The following DYNC1I1 variants were observed in gnomAD, a reference collection of about 807,000 sequenced individuals.
DYNC1I1 encodes cytoplasmic dynein 1 intermediate chain 1.
A neutral mutation model predicts 86.6 loss-of-function variants in DYNC1I1; 43 were observed. The ratio of observed to expected loss-of-function variants is 0.50; its 90% CI spans 0.39 to 0.64. The LOEUF (loss-of-function observed/expected upper bound fraction) is 0.64, where lower values mean the gene tolerates loss of function less well. Among genes scored for constraint, DYNC1I1 ranks in the 30% least tolerant of loss-of-function variants. The pLI is 0.00. For synonymous variants in DYNC1I1, 262 were observed against 283.7 expected, an observed-to-expected ratio of 0.92 and a Z score of 0.77; for missense variants, 604 against 788.8, an observed-to-expected ratio of 0.77 and a Z score of 2.81.
At chr7:95,978,455 C>A (rs573172794) in intron 7 of DYNC1I1, among the ~76,000 whole-genome samples, 1 of 152,246 alleles carries the variant, frequency 6.6e-6, no homozygotes, top group South Asian at 2.1e-4. Context: ...GATTCTCAGC[C>A]CATGGAGACA....
chr7:96,032,879 G>A (rs995407048), intron 12 of DYNC1I1, 99 bp downstream of exon 12: 3 of 993,128 alleles, frequency 3.0e-6, no homozygotes, highest in Admixed American at 2.4e-5. Context: ...ACATCCTAGA[G>A]GAGCTAAAAC....
At chr7:95,918,141 C>G (rs1435784744) in intron 6 of DYNC1I1, among the ~76,000 whole-genome samples, 1 of 152,130 alleles carries the variant, frequency 6.6e-6, no homozygotes, top group Non-Finnish European at 1.5e-5. Flanking sequence ...CCTCCGTTTC[C>G]CTGTCTTCAA....
chr7:96,034,878 C>T (rs1794895330), intron 12 of DYNC1I1, among the ~76,000 whole-genome samples: 1 of 152,050 alleles, frequency 6.6e-6, no homozygotes, highest in Admixed American at 6.5e-5. Context: ...TTCAGATGCA[C>T]AAAATAGGCT....
chr7:95,980,280 G>A (rs1793421868), intron 7 of DYNC1I1, among the ~76,000 whole-genome samples: 1 of 150,836 alleles, frequency 6.6e-6, no homozygotes, highest in Admixed American at 6.6e-5. Context: ...GGGTTAAAAG[G>A]ATGTTTATGT....
At chr7:96,085,369 T>C (rs1192350076) in intron 16 of DYNC1I1, among the ~76,000 whole-genome samples, 1 of 152,150 alleles carries the variant, frequency 6.6e-6, no homozygotes, top group Non-Finnish European at 1.5e-5. Context: ...ATCTCCCTTT[T>C]TTTTTTCTTT....
intron 6 of DYNC1I1, among the ~76,000 whole-genome samples, chr7:95,940,850 G>A (rs1008352415): frequency 4.6e-5 from 7 of 152,176 alleles, no homozygotes; most frequent in Non-Finnish European, 7.3e-5. Context: ...GAGGAGCTAC[G>A]TTCCTTTGGA....
chr7:95,842,192 G>A (rs1334128821), intron 5 of DYNC1I1, among the ~76,000 whole-genome samples: 4 of 152,174 alleles, frequency 2.6e-5, no homozygotes, highest in Non-Finnish European at 4.4e-5. Flanking sequence ...GCGAGTTAGG[G>A]AAACGCCACA....
At chr7:96,028,131 C>G in intron 10 of DYNC1I1, 44 bp from the exon 11 acceptor site, 1 of 1,600,530 alleles carries the variant, frequency 6.2e-7, no homozygotes, top group South Asian at 1.1e-5. Flanking sequence ...CACCTACAAC[C>G]ATTTCACATT....
At chr7:96,092,715 AAGT>A (rs1423258370) in intron 16 of DYNC1I1, among the ~76,000 whole-genome samples, 1 of 152,102 alleles carries the variant, frequency 6.6e-6, no homozygotes, top group Non-Finnish European at 1.5e-5. Context: ...ATGGTCCGAG[AAGT>A]AGTGGGGTAG....
intron 6 of DYNC1I1, among the ~76,000 whole-genome samples, chr7:95,889,351 C>T (rs543608631): frequency 2.6e-4 from 40 of 152,184 alleles, no homozygotes; most frequent in African/African-American, 8.2e-4. Context: ...CTTATAGAAA[C>T]GACTTCCTGT....
At chr7:96,043,167 C>CAAAAAAAAAAAAAAAA (rs111888029) in intron 14 of DYNC1I1, among the ~76,000 whole-genome samples, 1 of 63,464 alleles carries the variant, frequency 1.6e-5, no homozygotes, top group Non-Finnish European at 3.5e-5. Context: ...GACTCCATCT[C>CAAAAAAAAAAAAAAAA]AAAAAAAAAA....
intron 16 of DYNC1I1, among the ~76,000 whole-genome samples, chr7:96,084,884 T>C (rs1212666491): frequency 6.6e-6 from 1 of 152,196 alleles, no homozygotes; most frequent in East Asian, 1.9e-4. Context: ...CCTGAAAATA[T>C]ATTAATAATA....
intron 5 of DYNC1I1, among the ~76,000 whole-genome samples, chr7:95,861,756 T>C (rs185418177): frequency 7.2e-5 from 11 of 152,314 alleles, no homozygotes; most frequent in Non-Finnish European, 1.5e-4. Flanking sequence ...TTAGTGACGC[T>C]CTTGCTAGTG....
intron 14 of DYNC1I1, among the ~76,000 whole-genome samples, chr7:96,054,994 C>G (rs1250874438): frequency 2.6e-5 from 4 of 152,114 alleles, no homozygotes; most frequent in Non-Finnish European, 5.9e-5. Context: ...TCAATTTTGG[C>G]TTTTGTTGCC....
chr7:95,963,797 A>G (rs1475993567), intron 6 of DYNC1I1, among the ~76,000 whole-genome samples: 1 of 152,164 alleles, frequency 6.6e-6, no homozygotes, highest in Non-Finnish European at 1.5e-5. Context: ...AACAGCTTGA[A>G]AAACGAAGGA....
intron 1 of DYNC1I1, among the ~76,000 whole-genome samples, chr7:95,792,838 A>T (rs923027471): frequency 1.3e-5 from 2 of 151,418 alleles, no homozygotes; most frequent in African/African-American, 4.8e-5. Context: ...AGGGGGCATC[A>T]GGTTAAACAT....
At chr7:95,912,395 T>A (rs1235668346) in intron 6 of DYNC1I1, among the ~76,000 whole-genome samples, 1 of 152,166 alleles carries the variant, frequency 6.6e-6, no homozygotes, top group Non-Finnish European at 1.5e-5. Flanking sequence ...GTGAAGGAGT[T>A]TATCTGGCTT....
At chr7:96,090,467 C>T (rs977638722) in intron 16 of DYNC1I1, among the ~76,000 whole-genome samples, 4 of 151,698 alleles carry the variant, frequency 2.6e-5, no homozygotes, top group African/African-American at 4.8e-5. Context: ...TTATGTCCTA[C>T]TTTTATTTCT....
intron 6 of DYNC1I1, among the ~76,000 whole-genome samples, chr7:95,935,135 C>T (rs993890605): frequency 1.3e-5 from 2 of 151,854 alleles, no homozygotes; most frequent in African/African-American, 2.4e-5. Context: ...TTCCCATTTT[C>T]CCCTCCCCCT....
Sources: gnomAD v4.1 joint callset for allele counts (sites outside exome capture counted in the v4.1 genomes callset) on GRCh38, gnomAD v4.1.1 for gene constraint, MANE v1.5 for transcripts, NCBI Gene and HGNC (gene_info 2026-07-23, HGNC 2026-07-21) for gene names.